The following TMEM117 variants were observed in gnomAD, a reference collection of about 807,000 sequenced individuals.
TMEM117 encodes the protein transmembrane protein 117.
Under a neutral mutation model 52.4 loss-of-function variants are expected in TMEM117, and 27 were observed. That is an observed-to-expected ratio of 0.51 (90% CI 0.38 to 0.71). The LOEUF is 0.71. Ranked by LOEUF, TMEM117 falls within the 30% of genes least tolerant of loss-of-function variation. TMEM117 has a pLI of 0.00. For synonymous variants in TMEM117, 215 were observed against 206.3 expected (o/e 1.04, Z -0.36); for missense variants, 556 against 630.5 (o/e 0.88, Z 1.26).
In TMEM117 at chr12:43,966,956, T is replaced by C. The variant is rs78550146; in HGVS notation, c.410+22614T>C. Among the ~76,000 whole-genome samples the C allele has an allele frequency of 7.0e-3, 1,067 of 152,298 alleles. 11 individuals carry two copies. Among genetic ancestry groups the C allele is most frequent in the African/African-American group, 0.023 (964 of 41,564 alleles). ...TAGGACTAAAGAAGAGTCCCTAGAA[T>C]GTGAGAAATGACTATAACTGTGTAG... On this transcript the variant is annotated intron_variant, in intron 3 of 7. Transcript: ENST00000266534.
At chr12:44,017,420 T>C (rs1380217798) in intron 3 of TMEM117, among the ~76,000 whole-genome samples, 1 of 150,250 alleles carries the variant, frequency 6.7e-6, no homozygotes, top group Admixed American at 6.7e-5. Context: ...AGTCTCACAG[T>C]TGTGGAAAGA....
At chr12:44,398,497 T>G in the TMEM117 span, among the ~76,000 whole-genome samples, 1 of 152,050 alleles carries the variant, frequency 6.6e-6, no homozygotes, top group East Asian at 1.9e-4. Context: ...TGGTCTCGGG[T>G]TTTGGGCAGG....
At chr12:43,955,592 A>G (rs1442643745) in intron 3 of TMEM117, among the ~76,000 whole-genome samples, 1 of 152,182 alleles carries the variant, frequency 6.6e-6, no homozygotes, top group Non-Finnish European at 1.5e-5. Context: ...AAGGGAAGTG[A>G]AGGACCTCTT....
chr12:44,040,865 T>G (rs1464684902), intron 3 of TMEM117, among the ~76,000 whole-genome samples: 1 of 152,214 alleles, frequency 6.6e-6, no homozygotes, highest in Non-Finnish European at 1.5e-5. Flanking sequence ...TTATTCTCTA[T>G]TCATTGAGAT....
intron 4 of TMEM117, among the ~76,000 whole-genome samples, chr12:44,187,230 C>T (rs2138332818): frequency 6.6e-6 from 1 of 152,046 alleles, no homozygotes; most frequent in South Asian, 2.1e-4. Flanking sequence ...TCCAGATGGA[C>T]AAATGTAAAT....
intron 5 of TMEM117, among the ~76,000 whole-genome samples, chr12:44,295,705 A>G (rs1479231858): frequency 6.9e-6 from 1 of 145,220 alleles, no homozygotes; most frequent in East Asian, 2.0e-4. Context: ...TCTATTTTTT[A>G]TGAACTTCTA....
intron 4 of TMEM117, among the ~76,000 whole-genome samples, chr12:44,168,252 CA>C (rs111854378): frequency 0.28 from 37,009 of 133,766 alleles, 8,127 homozygotes; most frequent in African/African-American, 0.62. Flanking sequence ...GACCCCATCT[CA>C]AAAAAAAAAA....
intron 3 of TMEM117, among the ~76,000 whole-genome samples, chr12:43,967,065 C>T (rs568152712): frequency 8.6e-5 from 13 of 151,968 alleles, no homozygotes; most frequent in South Asian, 4.2e-4. Flanking sequence ...AAGTATAGGT[C>T]GAACCCAGTG....
chr12:44,214,142 T>TA (rs1371845744), intron 5 of TMEM117, among the ~76,000 whole-genome samples: 3 of 112,298 alleles, frequency 2.7e-5, no homozygotes, highest in African/African-American at 7.3e-5. Context: ...TTTTTAATTT[T>TA]TTTTTTTTTT....
intron 3 of TMEM117, among the ~76,000 whole-genome samples, chr12:44,097,999 A>G (rs972799481): frequency 6.6e-6 from 1 of 152,066 alleles, no homozygotes; most frequent in Non-Finnish European, 1.5e-5. Context: ...CTAAGAGTCC[A>G]ATTTAATAAG....
At position 43,944,209 on chromosome 12, in the gene TMEM117, G is replaced by A. The variant is rs759188747; in HGVS notation, c.278-1G>A. 1.2e-6 allele frequency: 2 copies of A among 1,607,672 alleles called. No individual in the cohort carries two copies. The highest frequency in any genetic ancestry group is 2.2e-5 in the South Asian group (2 of 89,226). On this transcript the variant is annotated splice_acceptor_variant, in intron 2 of 7. Transcript: ENST00000266534. LOFTEE classifies it high-confidence loss of function. The stretch of plus-strand genomic sequence containing the variant: ...AATTTTTAATAATATTTGTATTTCA[G>A]GTCAGTTGCTCCGATTAAAAATGTT...
chr12:43,867,100 A>C (rs1400440278), intron 2 of TMEM117, among the ~76,000 whole-genome samples: 1 of 152,196 alleles, frequency 6.6e-6, no homozygotes, highest in African/African-American at 2.4e-5. Flanking sequence ...CAAGAGAAAA[A>C]AAAAAAAGAA....
At chr12:44,379,592 G>T (rs1185340356) in intron 7 of TMEM117, among the ~76,000 whole-genome samples, 1 of 152,148 alleles carries the variant, frequency 6.6e-6, no homozygotes, top group Non-Finnish European at 1.5e-5. Flanking sequence ...AGAGATTGCT[G>T]AGGCCACCCC....
intron 3 of TMEM117, among the ~76,000 whole-genome samples, chr12:44,098,375 C>A (rs1947807823): frequency 6.6e-6 from 1 of 151,952 alleles, no homozygotes; most frequent in African/African-American, 2.4e-5. Context: ...AGACAGCAGG[C>A]ATTTTTGCCT....
At chr12:44,296,396 A>G (rs1380613561) in intron 5 of TMEM117, among the ~76,000 whole-genome samples, 1 of 152,154 alleles carries the variant, frequency 6.6e-6, no homozygotes, top group Non-Finnish European at 1.5e-5. Flanking sequence ...CTCCAGGGTC[A>G]CAGACAAATG....
chr12:44,358,509 C>T (rs1010215027), intron 6 of TMEM117, among the ~76,000 whole-genome samples: 19 of 152,050 alleles, frequency 1.2e-4, no homozygotes, highest in African/African-American at 4.6e-4. Context: ...TTGTGTTATT[C>T]TTCATTAATA....
At chr12:44,036,860 A>C (rs1464722151) in intron 3 of TMEM117, among the ~76,000 whole-genome samples, 1 of 152,198 alleles carries the variant, frequency 6.6e-6, no homozygotes, top group Non-Finnish European at 1.5e-5. Context: ...CTTATTATGT[A>C]ACAGACTATA....
intron 3 of TMEM117, among the ~76,000 whole-genome samples, chr12:44,097,103 C>T (rs1470038653): frequency 2.6e-5 from 4 of 152,178 alleles, no homozygotes; most frequent in Non-Finnish European, 4.4e-5. Flanking sequence ...AGCCAAAAAA[C>T]ACATGAAAAA....
intron 3 of TMEM117, among the ~76,000 whole-genome samples, chr12:44,017,753 G>A (rs773557478): frequency 1.3e-5 from 2 of 152,056 alleles, no homozygotes; most frequent in African/African-American, 2.4e-5. Flanking sequence ...AGTCTTTCAT[G>A]ACATCAAAGG....
Sources: gnomAD v4.1 joint callset for allele counts (sites outside exome capture counted in the v4.1 genomes callset) on GRCh38, gnomAD v4.1.1 for gene constraint, MANE v1.5 for transcripts, NCBI Gene and HGNC (gene_info 2026-07-23, HGNC 2026-07-21) for gene names.